The following PPP3CA variants were observed in gnomAD, a reference collection of about 807,000 sequenced individuals.
PPP3CA encodes the protein CAM-PRP catalytic subunit.
Under a neutral mutation model 66.5 loss-of-function variants are expected in PPP3CA, and 14 were observed. The ratio of observed to expected loss-of-function variants is 0.21; its 90% confidence interval spans 0.14 to 0.33. The LOEUF (loss-of-function observed/expected upper bound fraction) is 0.33. PPP3CA is among the 10% of genes least tolerant of loss of function. The pLI is 1.00. For synonymous variants in PPP3CA, 232 were observed against 226.2 expected, an observed-to-expected ratio of 1.03 and a Z score of -0.23; for missense variants, 317 against 639.5, an observed-to-expected ratio of 0.50 and a Z score of 5.44.
At chr4:101,225,054 T>C (rs1472219840) in intron 1 of PPP3CA, among the ~76,000 whole-genome samples, 1 of 151,870 alleles carries the variant, frequency 6.6e-6, no homozygotes, top group East Asian at 1.9e-4. Flanking sequence ...CTTAACCCCA[T>C]GGAAGTACTC....
At chr4:101,259,356 A>C (rs1487008947) in intron 1 of PPP3CA, among the ~76,000 whole-genome samples, 2 of 151,714 alleles carry the variant, frequency 1.3e-5, no homozygotes, top group African/African-American at 4.8e-5. Context: ...TTCATTCAGC[A>C]AGCAAGCAAG....
chr4:101,060,765 A>C (rs1188420791), intron 10 of PPP3CA, among the ~76,000 whole-genome samples: 1 of 152,130 alleles, frequency 6.6e-6, no homozygotes, highest in Non-Finnish European at 1.5e-5. Flanking sequence ...ATTGTCCAGT[A>C]ATTGGTAACA....
intron 8 of PPP3CA, among the ~76,000 whole-genome samples, chr4:101,071,120 C>T (rs1728899215): frequency 6.6e-6 from 1 of 152,112 alleles, no homozygotes; most frequent in South Asian, 2.1e-4. Flanking sequence ...TCACCTTGCT[C>T]TCATTCAGTG....
At chr4:101,338,088 T>C (rs1433959101) in intron 1 of PPP3CA, among the ~76,000 whole-genome samples, 8 of 152,228 alleles carry the variant, frequency 5.3e-5, no homozygotes, top group African/African-American at 1.7e-4. Flanking sequence ...GCTTGTCAAA[T>C]GGCTCTCCCC....
chr4:101,102,665 C>T (rs1416892534), intron 3 of PPP3CA, among the ~76,000 whole-genome samples: 1 of 152,096 alleles, frequency 6.6e-6, no homozygotes, highest in Non-Finnish European at 1.5e-5. Context: ...AACTGAAGAT[C>T]TTCAGCAAAT....
chr4:101,193,347 C>T (rs1409706134), intron 2 of PPP3CA, among the ~76,000 whole-genome samples: 1 of 152,178 alleles, frequency 6.6e-6, no homozygotes, highest in Non-Finnish European at 1.5e-5. Context: ...ATAAGTTCAA[C>T]TACATTTTTT....
At chr4:101,277,318 C>T (rs1354973833) in intron 1 of PPP3CA, among the ~76,000 whole-genome samples, 2 of 152,132 alleles carry the variant, frequency 1.3e-5, no homozygotes, top group Non-Finnish European at 2.9e-5. Flanking sequence ...AAAGACATCT[C>T]GGCTATTTGG....
intron 2 of PPP3CA, among the ~76,000 whole-genome samples, chr4:101,132,802 A>G (rs1192307541): frequency 1.3e-5 from 2 of 152,230 alleles, no homozygotes; most frequent in African/African-American, 4.8e-5. Flanking sequence ...ACCAAAAAAG[A>G]AAATTTCAGG....
chr4:101,027,983 C>T (rs1347995871), intron 13 of PPP3CA, among the ~76,000 whole-genome samples: 1 of 152,158 alleles, frequency 6.6e-6, no homozygotes, highest in East Asian at 1.9e-4. Context: ...AGAATGCACA[C>T]TGCAGATTAG....
intron 1 of PPP3CA, among the ~76,000 whole-genome samples, chr4:101,202,506 GGATGCAAA>G (rs1725001625): frequency 6.6e-6 from 1 of 152,044 alleles, no homozygotes; most frequent in Non-Finnish European, 1.5e-5. Flanking sequence ...TGGATATTCT[GGATGCAAA>G]GATACACAAA....
intron 2 of PPP3CA, among the ~76,000 whole-genome samples, chr4:101,123,594 G>T (rs945892983): frequency 6.6e-6 from 1 of 152,184 alleles, no homozygotes; most frequent in East Asian, 1.9e-4. Flanking sequence ...ATTTTGGGAG[G>T]TGGAGGTGGG....
intron 10 of PPP3CA, 32 bp from the exon 11 acceptor site, chr4:101,040,598 A>G: frequency 1.3e-6 from 2 of 1,542,630 alleles, no homozygotes; most frequent in Non-Finnish European, 1.8e-6. Context: ...AGTGGTCAGT[A>G]ATTTTTTATC....
chr4:101,243,954 A>C (rs1427205857), intron 1 of PPP3CA, among the ~76,000 whole-genome samples: 1 of 152,222 alleles, frequency 6.6e-6, no homozygotes, highest in Non-Finnish European at 1.5e-5. Flanking sequence ...AAACGAAGCC[A>C]GAAAAGTTTT....
intron 2 of PPP3CA, among the ~76,000 whole-genome samples, chr4:101,152,217 T>C (rs1578498357): frequency 6.6e-6 from 1 of 152,216 alleles, no homozygotes; most frequent in Non-Finnish European, 1.5e-5. Flanking sequence ...AGATTAATGA[T>C]TAGATAGACA....
chr4:101,270,387 G>T (rs1397392866), intron 1 of PPP3CA, among the ~76,000 whole-genome samples: 1 of 152,038 alleles, frequency 6.6e-6, no homozygotes, highest in Non-Finnish European at 1.5e-5. Flanking sequence ...TTCAAACTAA[G>T]CTTTCTTCCA....
At chr4:101,081,547 T>C (rs559637422) in intron 7 of PPP3CA, among the ~76,000 whole-genome samples, 32 of 152,308 alleles carry the variant, frequency 2.1e-4, no homozygotes, top group Admixed American at 5.2e-4. Flanking sequence ...GTGTAATCAA[T>C]TTTAGGAGTA....
At chr4:101,230,118 T>G (rs1725913111) in intron 1 of PPP3CA, among the ~76,000 whole-genome samples, 1 of 151,684 alleles carries the variant, frequency 6.6e-6, no homozygotes, top group African/African-American at 2.4e-5. Context: ...TTTTAATCTA[T>G]TTTGCAGCAG....
intron 2 of PPP3CA, among the ~76,000 whole-genome samples, chr4:101,120,915 C>T (rs968030359): frequency 9.9e-5 from 15 of 151,946 alleles, no homozygotes; most frequent in Admixed American, 7.2e-4. Flanking sequence ...AAACATGAAT[C>T]GGGTCTTAAG....
intron 10 of PPP3CA, among the ~76,000 whole-genome samples, chr4:101,048,509 C>CAAAAAAA (rs59988569): frequency 6.0e-5 from 4 of 66,330 alleles, no homozygotes; most frequent in Non-Finnish European, 8.9e-5. Context: ...TTTCTCTCAC[C>CAAAAAAA]AAAAAAAAAA....
Sources: allele counts gnomAD v4.1 joint callset (sites outside exome capture counted in the v4.1 genomes callset), GRCh38; gene constraint gnomAD v4.1.1; transcripts MANE v1.5; gene names NCBI Gene and HGNC (gene_info 2026-07-23, HGNC 2026-07-21).